SRR: variants seen among roughly 807,000 people sequenced by gnomAD.
The protein encoded by SRR is D-serine ammonia-lyase.
In SRR, 19 loss-of-function variants were observed where a neutral mutation model predicts 32.7. The ratio of observed to expected loss-of-function variants is 0.58; its 90% CI spans 0.40 to 0.85. The LOEUF (loss-of-function observed/expected upper bound fraction) is 0.85, where lower values mean the gene tolerates loss of function less well. Among genes scored for constraint, SRR ranks in the 40% least tolerant of loss-of-function variants. The pLI is 0.00. For missense variants in SRR, 373 were observed against 404.7 expected (o/e 0.92, Z 0.67); for synonymous variants, 142 against 140.9 (o/e 1.01, Z -0.06).
rs530299555 is a variant in SRR at position 2,323,422 on chromosome 17, C to A, written c.804+77C>A. 66 of 1,539,726 alleles carry A rather than the reference C, an allele frequency of 4.3e-5. 2 individuals carry two copies. The South Asian group carries it at 7.4e-4, about 17-fold the overall frequency. On this transcript the variant is annotated intron_variant, in intron 7 of 7. Transcript: ENST00000344595. ...CAGAAGAAACTTCCCTTAGGAGTAGCAAGTGACCCACGGGAACCTGACTAG... is the reference window on the plus strand; with the variant it reads ...CAGAAGAAACTTCCCTTAGGAGTAGAAAGTGACCCACGGGAACCTGACTAG...
chr17:2,318,820 TC>T lies in SRR; in HGVS notation c.296-3del, dbSNP rs781397508. 15 of 1,609,166 alleles carry T rather than the reference TC, an allele frequency of 9.3e-6. No individual in the cohort carries two copies. In the South Asian group the frequency reaches 1.5e-4, roughly 17 times the overall value. ...CTGACTTTTTCCTCTCGTTTTCCTC[TC>T]CCAGGAATTCCTGCTTATATTGTGG... On this transcript the variant is annotated splice_region_variant and splice_polypyrimidine_tract_variant and intron_variant, in intron 3 of 7. Coordinates refer to ENST00000344595, the MANE Select transcript of SRR (RefSeq NM_021947.3).
chr17:2,307,381 G>C (rs1241470700), intron 1 of SRR: 2 of 1,094,566 alleles, frequency 1.8e-6, no homozygotes, highest in Admixed American at 3.4e-5. Context: ...TGGTCGTGGA[G>C]GTGGTTTCGG....
chr17:2,319,034 T>C, intron 4 of SRR, 105 bp downstream of exon 4: 1 of 704,818 alleles, frequency 1.4e-6, no homozygotes, highest in Admixed American at 2.5e-5. Flanking sequence ...GGTTTCCCCT[T>C]TATTTCTGTT....
At chr17:2,306,545 C>T (rs1159918497) in intron 1 of SRR, among the ~76,000 whole-genome samples, 3 of 152,016 alleles carry the variant, frequency 2.0e-5, no homozygotes, top group Non-Finnish European at 4.4e-5. Flanking sequence ...GGCGAAACCC[C>T]GTCTCTACTA....
At chr17:2,320,341 C>T (rs532197597) in intron 4 of SRR, among the ~76,000 whole-genome samples, 55 of 149,072 alleles carry the variant, frequency 3.7e-4, no homozygotes, top group Admixed American at 7.4e-4. Flanking sequence ...CTGCAACCTC[C>T]GCCTCCTGGG....
chr17:2,308,625 G>A (rs1002476744), intron 1 of SRR, among the ~76,000 whole-genome samples: 1 of 152,132 alleles, frequency 6.6e-6, no homozygotes, highest in East Asian at 1.9e-4. Flanking sequence ...TTGGGAGGCC[G>A]AGGTGGGTGG....
rs903899013 is a variant in SRR at position 2,324,100 on chromosome 17, G to A, written c.*227G>A. ...GCAAAATGGGGCAGTGGACTGACAG[G>A]CTGACATAGAAAATAAACTTTGCCC... On this transcript the variant is annotated 3_prime_UTR_variant, in exon 8 of 8. Transcript: ENST00000344595. The A allele has an allele frequency of 4.1e-6, 6 of 1,449,582 alleles. No homozygotes were observed. In the African/African-American group the frequency reaches 7.1e-5, roughly 17 times the overall value. 89.8% of individuals were successfully genotyped at this position (1,449,582 alleles called of 1,614,324 possible).
At chr17:2,317,507 T>C (rs1240864082) in intron 2 of SRR, among the ~76,000 whole-genome samples, 1 of 139,492 alleles carries the variant, frequency 7.2e-6, no homozygotes. Flanking sequence ...AGAGCGAGAC[T>C]AGGTCTAAAA....
Position 2,318,940 on chromosome 17 carries a change from C to T in SRR, c.399+11C>T. The T allele has an allele frequency of 6.3e-7, 1 of 1,579,662 alleles. No individual in the cohort carries two copies. The highest frequency in any genetic ancestry group is 8.7e-7 in the Non-Finnish European group (1 of 1,148,986). ...GAACCTAGTGATGAGGTAAGGAGAG[C>T]AGTGCTTGGTACCACCTTAACAGCT... On this transcript the variant is annotated intron_variant, in intron 4 of 7. Coordinates refer to ENST00000344595, the MANE Select transcript of SRR (RefSeq NM_021947.3).
Position 2,325,199 on chromosome 17 carries a change from T to C in SRR, c.*1326T>C. On this transcript the variant is annotated 3_prime_UTR_variant, in exon 8 of 8. Transcript: ENST00000344595. ...CTTACTGTATTTTGAAAACCATCAT[T>C]ACCTTCTCCATACCATTTGGCTCCC... 2 of 821,156 alleles carry C rather than the reference T, an allele frequency of 2.4e-6. No homozygotes were observed. The highest frequency in any genetic ancestry group is 3.8e-6 in the Non-Finnish European group (2 of 520,946). 50.9% of individuals were successfully genotyped at this position (821,156 alleles called of 1,614,324 possible). A position where few individuals can be genotyped will look rare whatever the true frequency, so the allele number is the denominator to read the frequency against.
chr17:2,324,972 T>A lies in SRR; in HGVS notation c.*1099T>A. Reference sequence around the variant, plus strand: ...ATCTGAGGCTAAGATTGGTAAACTGTAAGCCCACACTTAACCTTGTCAATA... The same window carrying A: ...ATCTGAGGCTAAGATTGGTAAACTGAAAGCCCACACTTAACCTTGTCAATA... On this transcript the variant is annotated 3_prime_UTR_variant, in exon 8 of 8. Transcript: ENST00000344595. The A allele has an allele frequency of 2.2e-6, 2 of 893,166 alleles. No individual in the cohort carries two copies. Among genetic ancestry groups the A allele is most frequent in the South Asian group, 1.8e-5 (1 of 54,056 alleles). The allele number at this position is 893,166 out of a possible 1,614,324, so 55.3% of individuals were successfully genotyped here.
At chr17:2,303,495 C>T, upstream of SRR, 1 of 1,327,854 alleles carries the variant, frequency 7.5e-7, no homozygotes, top group Non-Finnish European at 9.6e-7. Flanking sequence ...AGCGAGGGTC[C>T]GCCGCGGCCC....
chr17:2,306,426 A>G (rs1424964512), intron 1 of SRR, among the ~76,000 whole-genome samples: 2 of 149,554 alleles, frequency 1.3e-5, no homozygotes, highest in African/African-American at 4.9e-5. Context: ...TTTAAAAACA[A>G]CAATTTTAGG....
Position 2,317,880 on chromosome 17 carries a change from C to T in SRR, c.179C>T (p.Ala60Val), listed in dbSNP as rs1422631714. 7 of 1,613,146 alleles carry T rather than the reference C, an allele frequency of 4.3e-6. No individual in the cohort carries two copies. Among genetic ancestry groups the T allele is most frequent in the African/African-American group, 2.7e-5 (2 of 74,860 alleles). ...ATCCCTCTTTTTCAGATTCGTGGTGCTCTCAATGCCGTCAGAAGCTTGGTT... is the reference window on the plus strand; with the variant it reads ...ATCCCTCTTTTTCAGATTCGTGGTGTTCTCAATGCCGTCAGAAGCTTGGTT... ...QKTGSFKIRG[A>V]LNAVRSLVPD... Residue 60 changes from alanine to valine, a missense_variant, in exon 3 of 8, where the codon GCT becomes GTT. Transcript: ENST00000344595.
At chr17:2,320,181 G>GA (rs527701452) in intron 4 of SRR, among the ~76,000 whole-genome samples, 170 of 149,902 alleles carry the variant, frequency 1.1e-3, no homozygotes, top group Middle Eastern at 3.5e-3. Context: ...CGGTGGAAAC[G>GA]AGAGTTCTTG....
intron 2 of SRR, among the ~76,000 whole-genome samples, chr17:2,316,010 C>T (rs1439162884): frequency 1.3e-5 from 2 of 151,902 alleles, no homozygotes; most frequent in Non-Finnish European, 2.9e-5. Context: ...ATAATATATA[C>T]ATAAAATACA....
chr17:2,303,623 C>T (rs771677096), upstream of SRR: 8 of 1,447,494 alleles, frequency 5.5e-6, no homozygotes, highest in East Asian at 3.0e-5. Context: ...AGCTGGGCGG[C>T]GCGACTCACC....
chr17:2,309,457 T>G (rs770218750), intron 1 of SRR, among the ~76,000 whole-genome samples: 3 of 152,206 alleles, frequency 2.0e-5, no homozygotes, highest in Non-Finnish European at 4.4e-5. Flanking sequence ...CACTCCTTTA[T>G]TTTGCTATTT....
In SRR at chr17:2,310,424, C is replaced by T. The variant is rs567246475; in HGVS notation, c.-4-5133C>T. On this transcript the variant is annotated intron_variant, in intron 1 of 7. Coordinates refer to ENST00000344595, the MANE Select transcript of SRR (RefSeq NM_021947.3). The stretch of plus-strand genomic sequence containing the variant: ...AGAGATAGGGTTTCAACGTGTTGCC[C>T]AGGCTGGTCTTAAATTCCTGAGCTC... Among the ~76,000 whole-genome samples, 225 of 152,196 alleles carry T rather than the reference C, an allele frequency of 1.5e-3. 1 individual carries two copies. Among genetic ancestry groups the T allele is most frequent in the African/African-American group, 5.2e-3 (217 of 41,544 alleles).
Sources: gnomAD v4.1 joint callset for allele counts (sites outside exome capture counted in the v4.1 genomes callset) on GRCh38, gnomAD v4.1.1 for gene constraint, MANE v1.5 for transcripts, NCBI Gene and HGNC (gene_info 2026-07-23, HGNC 2026-07-21) for gene names.